The following SNTG2 variants were observed in gnomAD, a reference collection of about 807,000 sequenced individuals.
SNTG2 encodes syntrophin gamma 2, also known as gamma-2-syntrophin.
In SNTG2, 74 loss-of-function variants were observed where a neutral mutation model predicts 70.9. That is an observed-to-expected ratio of 1.04 (90% confidence interval 0.86 to 1.27). SNTG2 has a LOEUF of 1.27. Ranked by LOEUF, SNTG2 falls within the 50% of genes most tolerant of loss-of-function variation. The pLI is 0.00. For synonymous variants in SNTG2, 278 were observed against 273.8 expected (o/e 1.02, Z -0.15); for missense variants, 717 against 690.7 (o/e 1.04, Z -0.43).
At position 1,156,094 on chromosome 2, in the gene SNTG2, T is replaced by A. The variant is rs924830455; in HGVS notation, c.412-9454T>A. Reference sequence around the variant, plus strand: ...ACAAGTTCTTAAAAGCATTTTGCTGTGGAAGGGAACAGAGAAATGGCACAG... The same window carrying A: ...ACAAGTTCTTAAAAGCATTTTGCTGAGGAAGGGAACAGAGAAATGGCACAG... On this transcript the variant is annotated intron_variant, in intron 6 of 16. Coordinates refer to ENST00000308624, the MANE Select transcript of SNTG2 (RefSeq NM_018968.4). Among the ~76,000 whole-genome samples the A allele has an allele frequency of 1.3e-5, 2 of 152,170 alleles. 1 individual carries two copies. Among genetic ancestry groups the A allele is most frequent in the Middle Eastern group, 6.8e-3 (2 of 294 alleles).
At chr2:1,294,114 C>T (rs1680101780) in intron 14 of SNTG2, among the ~76,000 whole-genome samples, 1 of 152,218 alleles carries the variant, frequency 6.6e-6, no homozygotes. Context: ...TCACCCTCTC[C>T]AGATCGTCTG....
intron 13 of SNTG2, among the ~76,000 whole-genome samples, chr2:1,263,837 G>C (rs1678581899): frequency 6.6e-6 from 1 of 152,242 alleles, no homozygotes; most frequent in Non-Finnish European, 1.5e-5. Flanking sequence ...GGCTCTGAGA[G>C]AGTGAATTGC....
At chr2:1,242,821 T>A (rs2148119287) in intron 11 of SNTG2, 1 of 152,272 alleles carries the variant, frequency 6.6e-6, no homozygotes, top group East Asian at 1.9e-4. Flanking sequence ...AGAAGAGGAC[T>A]CTCTTATAGA....
At chr2:1,075,165 A>G (rs1479062704) in intron 1 of SNTG2, among the ~76,000 whole-genome samples, 1 of 152,236 alleles carries the variant, frequency 6.6e-6, no homozygotes, top group Non-Finnish European at 1.5e-5. Context: ...GGGTTGGAGT[A>G]TAATTAAACA....
At chr2:1,280,664 T>C (rs1679473063) in intron 14 of SNTG2, among the ~76,000 whole-genome samples, 1 of 152,246 alleles carries the variant, frequency 6.6e-6, no homozygotes, top group Non-Finnish European at 1.5e-5. Context: ...ATTCATTCGC[T>C]TAAATCCTCT....
At chr2:1,168,643 C>T (rs1670914706) in intron 7 of SNTG2, among the ~76,000 whole-genome samples, 1 of 152,194 alleles carries the variant, frequency 6.6e-6, no homozygotes, top group South Asian at 2.1e-4. Flanking sequence ...CCATTTTTCC[C>T]ATCGATCACA....
intron 14 of SNTG2, among the ~76,000 whole-genome samples, chr2:1,287,712 C>A (rs1417218323): frequency 6.6e-6 from 1 of 152,236 alleles, no homozygotes; most frequent in Non-Finnish European, 1.5e-5. Flanking sequence ...GCCACAGGAA[C>A]AACTTCACGC....
intron 1 of SNTG2, among the ~76,000 whole-genome samples, chr2:1,051,667 T>A (rs928474726): frequency 1.3e-5 from 2 of 152,200 alleles, no homozygotes; most frequent in Non-Finnish European, 2.9e-5. Context: ...TTCTTTCCAG[T>A]ATATGCCATG....
chr2:1,195,861 T>G (rs1047862646), intron 8 of SNTG2, among the ~76,000 whole-genome samples: 5 of 152,176 alleles, frequency 3.3e-5, no homozygotes, highest in African/African-American at 7.2e-5. Flanking sequence ...GATTAACTAT[T>G]TTCCCGGGTT....
chr2:1,224,046 G>T (rs537778815), intron 9 of SNTG2, among the ~76,000 whole-genome samples: 13 of 152,214 alleles, frequency 8.5e-5, no homozygotes, highest in Non-Finnish European at 1.9e-4. Flanking sequence ...ATTGCAGATG[G>T]CACCTTCTCT....
At position 1,089,753 on chromosome 2, in the gene SNTG2, T is replaced by G. The variant is rs995480266; in HGVS notation, c.210+6098T>G. On this transcript the variant is annotated intron_variant, in intron 2 of 16. Transcript: ENST00000308624. Reference sequence around the variant, plus strand: ...CAAGTAGAACTTTCAATAACTAAAATCTAACAGCAAAGACAGTTGCATAAT... The same window carrying G: ...CAAGTAGAACTTTCAATAACTAAAAGCTAACAGCAAAGACAGTTGCATAAT... Among the ~76,000 whole-genome samples the G allele has an allele frequency of 2.0e-5, 3 of 152,368 alleles. No individual in the cohort carries two copies. In the East Asian group the frequency reaches 5.8e-4, roughly 29 times the overall value.
At chr2:959,616 T>C (rs560265832) in intron 1 of SNTG2, among the ~76,000 whole-genome samples, 18 of 151,294 alleles carry the variant, frequency 1.2e-4, no homozygotes, top group Non-Finnish European at 2.4e-4. Flanking sequence ...CGGCCTTTGC[T>C]TTACTGGCCT....
At chr2:1,242,203 A>C (rs1677097836) in intron 11 of SNTG2, among the ~76,000 whole-genome samples, 1 of 152,204 alleles carries the variant, frequency 6.6e-6, no homozygotes, top group African/African-American at 2.4e-5. Context: ...TTAGGAGTTT[A>C]AATTTAAGAC....
chr2:1,289,064 G>T (rs1175002044), intron 14 of SNTG2, among the ~76,000 whole-genome samples: 1 of 151,900 alleles, frequency 6.6e-6, no homozygotes, highest in Non-Finnish European at 1.5e-5. Context: ...TCTCACGGCT[G>T]TCCTCTGCTC....
At chr2:1,069,307 C>T (rs1663361450) in intron 1 of SNTG2, among the ~76,000 whole-genome samples, 1 of 149,596 alleles carries the variant, frequency 6.7e-6, no homozygotes, top group Non-Finnish European at 1.5e-5. Context: ...GTCCAGGCTT[C>T]TTATATAAAT....
At chr2:1,109,669 T>G (rs1666311694) in intron 4 of SNTG2, among the ~76,000 whole-genome samples, 1 of 152,124 alleles carries the variant, frequency 6.6e-6, no homozygotes, top group African/African-American at 2.4e-5. Context: ...ATCATCTCAT[T>G]AGGTACAAAG....
At chr2:1,009,960 G>A (rs1659683381) in intron 1 of SNTG2, among the ~76,000 whole-genome samples, 2 of 152,214 alleles carry the variant, frequency 1.3e-5, no homozygotes, top group Admixed American at 6.5e-5. Context: ...TGATGTGCCT[G>A]ATCAAGTTAA....
intron 8 of SNTG2, among the ~76,000 whole-genome samples, chr2:1,206,650 C>T (rs1673650918): frequency 6.6e-6 from 1 of 152,136 alleles, no homozygotes; most frequent in Non-Finnish European, 1.5e-5. Flanking sequence ...TATCAGTGGC[C>T]TCCAAGTGAA....
intron 4 of SNTG2, among the ~76,000 whole-genome samples, chr2:1,115,137 A>G (rs1221100619): frequency 6.6e-6 from 1 of 151,500 alleles, no homozygotes; most frequent in Non-Finnish European, 1.5e-5. Flanking sequence ...TTTAACCCTT[A>G]CAGTCGTTTG....
Sources: allele counts gnomAD v4.1 joint callset (sites outside exome capture counted in the v4.1 genomes callset), GRCh38; gene constraint gnomAD v4.1.1; transcripts MANE v1.5; gene names NCBI Gene and HGNC (gene_info 2026-07-23, HGNC 2026-07-21).